Variants in IMMP2L observed in about 807,000 individuals in gnomAD.
IMMP2L encodes the protein inner mitochondrial membrane peptidase subunit 2, also known as mitochondrial inner membrane protease subunit 2.
A neutral mutation model predicts 19.3 loss-of-function variants in IMMP2L; 18 were observed. The ratio of observed to expected loss-of-function variants is 0.93; its 90% CI spans 0.64 to 1.38. The LOEUF (loss-of-function observed/expected upper bound fraction) is 1.38. IMMP2L is among the 40% of genes most tolerant of loss of function. The pLI is 0.00. For synonymous variants in IMMP2L, 76 were observed against 73.0 expected, an observed-to-expected ratio of 1.04 and a Z score of -0.21; for missense variants, 233 against 218.2, an observed-to-expected ratio of 1.07 and a Z score of -0.43.
Position 111,312,804 on chromosome 7 carries a change from C to G in IMMP2L, c.239+174434G>C, listed in dbSNP as rs191691885. Among the ~76,000 whole-genome samples, 84 of 152,216 alleles carry G rather than the reference C, an allele frequency of 5.5e-4. 1 individual carries two copies. The highest frequency in any genetic ancestry group is 6.8e-3 in the Middle Eastern group (2 of 294). ...ATGGTCAGATAACCAATCTCAAATTCTCATCTTTGAAATTCTGTCTCCTAA... is the reference window on the plus strand; with the variant it reads ...ATGGTCAGATAACCAATCTCAAATTGTCATCTTTGAAATTCTGTCTCCTAA... On this transcript the variant is annotated intron_variant, in intron 3 of 5. Transcript: ENST00000405709.
At chr7:111,476,115 C>A (rs1353466087) in intron 3 of IMMP2L, among the ~76,000 whole-genome samples, 1 of 152,056 alleles carries the variant, frequency 6.6e-6, no homozygotes, top group Non-Finnish European at 1.5e-5. Context: ...CTAGTCTGTA[C>A]CTCTTATTCT....
chr7:110,937,003 T>C (rs1816190345), intron 4 of IMMP2L, among the ~76,000 whole-genome samples: 1 of 151,906 alleles, frequency 6.6e-6, no homozygotes, highest in South Asian at 2.1e-4. Context: ...AGTTGAACAA[T>C]GAGAACACAT....
intron 5 of IMMP2L, among the ~76,000 whole-genome samples, chr7:110,712,983 G>C (rs188250602): frequency 6.6e-6 from 1 of 151,974 alleles, no homozygotes; most frequent in African/African-American, 2.4e-5. Flanking sequence ...CGTCACTCAC[G>C]CTGGGAGCTG....
chr7:110,964,216 CT>C (rs1819292253), intron 3 of IMMP2L, among the ~76,000 whole-genome samples: 1 of 151,996 alleles, frequency 6.6e-6, no homozygotes, highest in African/African-American at 2.4e-5. Flanking sequence ...CAGGTAGTAT[CT>C]TTATAGCAGT....
At chr7:111,419,630 C>G (rs999513229) in intron 3 of IMMP2L, among the ~76,000 whole-genome samples, 1 of 151,720 alleles carries the variant, frequency 6.6e-6, no homozygotes, top group Non-Finnish European at 1.5e-5. Context: ...CCTTTCTGGA[C>G]AGAACCAATG....
intron 1 of IMMP2L, among the ~76,000 whole-genome samples, chr7:111,541,731 T>C (rs1189702085): frequency 6.6e-6 from 1 of 152,136 alleles, no homozygotes; most frequent in Admixed American, 6.6e-5. Flanking sequence ...TAAAAATATA[T>C]GAGCCATATA....
At chr7:110,950,548 T>C (rs958307952) in intron 4 of IMMP2L, among the ~76,000 whole-genome samples, 2 of 151,914 alleles carry the variant, frequency 1.3e-5, no homozygotes, top group African/African-American at 4.8e-5. Flanking sequence ...AGAACTACCA[T>C]ATATGATCCA....
At chr7:110,932,536 A>G (rs1264948646) in intron 4 of IMMP2L, among the ~76,000 whole-genome samples, 1 of 151,846 alleles carries the variant, frequency 6.6e-6, no homozygotes, top group Non-Finnish European at 1.5e-5. Context: ...TGTATTTTTA[A>G]GTAGAGACGG....
intron 3 of IMMP2L, among the ~76,000 whole-genome samples, chr7:111,109,793 T>C (rs1474034274): frequency 6.6e-6 from 1 of 152,178 alleles, no homozygotes; most frequent in African/African-American, 2.4e-5. Context: ...CATTGTTTGT[T>C]GCTATTGTTA....
intron 1 of IMMP2L, among the ~76,000 whole-genome samples, chr7:111,539,150 A>C (rs1848184035): frequency 4.7e-5 from 2 of 42,758 alleles, no homozygotes; most frequent in Admixed American, 2.7e-4. Context: ...GAAGGAAGGA[A>C]GGAAGGAAGG....
rs1382738272 is a variant in IMMP2L at position 111,450,946 on chromosome 7, AAC to A, written c.239+36290_239+36291del. 6.6e-5 allele frequency among the ~76,000 whole-genome samples: 10 copies of A among 151,864 alleles called. No homozygotes were observed. The East Asian group carries it at 1.9e-3, about 29-fold the overall frequency. On this transcript the variant is annotated intron_variant, in intron 3 of 5. Transcript: ENST00000405709. ...AAAGAAGACATTTATGCAGCCAAAA[AAC>A]ACATGAAAAAATGCTCATCATCACT...
At chr7:110,818,166 G>C (rs1802703860) in intron 5 of IMMP2L, among the ~76,000 whole-genome samples, 1 of 152,090 alleles carries the variant, frequency 6.6e-6, no homozygotes, top group African/African-American at 2.4e-5. Context: ...TACCATCAGA[G>C]TGAACAGGCA....
Position 111,521,443 on chromosome 7 carries a change from G to A in IMMP2L, c.5C>T (p.Ala2Val), listed in dbSNP as rs771394350. The A allele has an allele frequency of 1.3e-6, 2 of 1,596,108 alleles. No individual in the cohort carries two copies. Among genetic ancestry groups the A allele is most frequent in the Non-Finnish European group, 1.7e-6 (2 of 1,173,324 alleles). The part of the protein sequence containing the change: M[A>V]QSQGWVKRYI... ...TCTTTTCACCCACCCTTGTGACTGT[G>A]CCATACCTAAAAATACAAAGAAAAC... Residue 2 changes from alanine (A) to valine (V), a missense_variant, in exon 2 of 6, where the codon GCA becomes GTA. By Grantham distance (64) the Ala-to-Val change is moderately conservative. Transcript: ENST00000405709.
intron 5 of IMMP2L, among the ~76,000 whole-genome samples, chr7:110,701,841 C>G (rs576977705): frequency 6.6e-6 from 1 of 152,288 alleles, no homozygotes; most frequent in South Asian, 2.1e-4. Context: ...GCTCTAACAC[C>G]AGATTTCCTA....
chr7:110,824,722 T>G (rs778458164), intron 5 of IMMP2L, among the ~76,000 whole-genome samples: 23 of 152,082 alleles, frequency 1.5e-4, no homozygotes, highest in Non-Finnish European at 3.1e-4. Context: ...AAACATCATG[T>G]CTAGTTTCAA....
intron 2 of IMMP2L, among the ~76,000 whole-genome samples, chr7:111,496,080 G>A (rs537018968): frequency 7.4e-4 from 112 of 152,210 alleles, no homozygotes; most frequent in South Asian, 5.4e-3. Context: ...CTGCAGCACT[G>A]GCCAAGAAGC....
rs997199130 is a variant in IMMP2L, at chr7:111,424,059, A to G, written c.239+63179T>C. On this transcript the variant is annotated intron_variant, in intron 3 of 5. Coordinates refer to ENST00000405709, the MANE Select transcript of IMMP2L (RefSeq NM_032549.4). ...ACATCTGATCAACTTTGAATAATCA[A>G]TCTTATCACGTATACCAACATGCCC... 5.3e-5 allele frequency among the ~76,000 whole-genome samples: 8 copies of G among 151,848 alleles called. No homozygotes were observed. The East Asian group carries it at 1.3e-3, about 26-fold the overall frequency.
chr7:111,102,805 C>G (rs1798119055), intron 3 of IMMP2L, among the ~76,000 whole-genome samples: 1 of 151,512 alleles, frequency 6.6e-6, no homozygotes, highest in Non-Finnish European at 1.5e-5. Context: ...TTCACTAATC[C>G]TCTTTGCTAG....
At chr7:110,749,209 C>G (rs1263501033) in intron 5 of IMMP2L, among the ~76,000 whole-genome samples, 3 of 152,160 alleles carry the variant, frequency 2.0e-5, no homozygotes, top group Non-Finnish European at 4.4e-5. Context: ...CCATCTCATG[C>G]CAGTTAGAAT....
Sources: gnomAD v4.1 joint callset for allele counts (sites outside exome capture counted in the v4.1 genomes callset) on GRCh38, gnomAD v4.1.1 for gene constraint, MANE v1.5 for transcripts, NCBI Gene and HGNC (gene_info 2026-07-23, HGNC 2026-07-21) for gene names.